The following DKK2 variants were observed in gnomAD, a reference collection of about 807,000 sequenced individuals.
The protein encoded by DKK2 is dickkopf Wnt signaling pathway inhibitor 2, also known as dickkopf-related protein 2.
Under a neutral mutation model 28.1 loss-of-function variants are expected in DKK2, and 11 were observed. That is an observed-to-expected ratio of 0.39 (90% confidence interval 0.25 to 0.65). The LOEUF is 0.65. Ranked by LOEUF, DKK2 falls within the 30% of genes least tolerant of loss-of-function variation. DKK2 has a pLI of 0.47. For synonymous variants in DKK2, 135 were observed against 126.5 expected, an observed-to-expected ratio of 1.07 and a Z score of -0.45; for missense variants, 326 against 335.5, an observed-to-expected ratio of 0.97 and a Z score of 0.22.
At chr4:106,940,607 G>A (rs1724679830) in intron 1 of DKK2, among the ~76,000 whole-genome samples, 1 of 150,506 alleles carries the variant, frequency 6.6e-6, no homozygotes, top group African/African-American at 2.5e-5. Context: ...TCCCATTACT[G>A]GGTATATACC....
chr4:106,959,112 AAC>A (rs1405594384), intron 1 of DKK2, among the ~76,000 whole-genome samples: 1 of 152,168 alleles, frequency 6.6e-6, no homozygotes, highest in Non-Finnish European at 1.5e-5. Context: ...TATTTTGGAA[AAC>A]CAAAAATACA....
At chr4:106,924,477 A>C in intron 3 of DKK2, 68 bp downstream of exon 3, 1 of 1,526,486 alleles carries the variant, frequency 6.6e-7, no homozygotes, top group Non-Finnish European at 8.8e-7. Context: ...AACCAATGGA[A>C]TTAATTATCT....
chr4:106,974,402 C>A (rs1953972225), intron 1 of DKK2, among the ~76,000 whole-genome samples: 1 of 152,030 alleles, frequency 6.6e-6, no homozygotes, highest in African/African-American at 2.4e-5. Context: ...TTGTTTATGT[C>A]CTCTCTTATT....
chr4:107,018,560 C>A (rs899868289), intron 1 of DKK2, among the ~76,000 whole-genome samples: 1 of 152,076 alleles, frequency 6.6e-6, no homozygotes, highest in African/African-American at 2.4e-5. Flanking sequence ...TTTAGTCAGC[C>A]GTTGGCTTTT....
chr4:106,957,912 AAATTAATTAATTAATT>A (rs539263383), intron 1 of DKK2, among the ~76,000 whole-genome samples: 1 of 150,640 alleles, frequency 6.6e-6, no homozygotes, highest in African/African-American at 2.4e-5. Context: ...ATAATAATTA[AAATTAATTAATTAATT>A]AATTAATTAA....
chr4:107,026,962 G>C (rs1450776262), intron 1 of DKK2, among the ~76,000 whole-genome samples: 1 of 152,136 alleles, frequency 6.6e-6, no homozygotes, highest in South Asian at 2.1e-4. Flanking sequence ...GAACTGTTGA[G>C]CGAGCTGGAG....
chr4:106,960,243 A>G (rs1271370618), intron 1 of DKK2, among the ~76,000 whole-genome samples: 1 of 151,816 alleles, frequency 6.6e-6, no homozygotes, highest in East Asian at 1.9e-4. Context: ...ACTCAGCCAT[A>G]AAAAAGAACG....
intron 1 of DKK2, among the ~76,000 whole-genome samples, chr4:106,935,353 C>T (rs538133055): frequency 1.6e-4 from 24 of 152,026 alleles, no homozygotes; most frequent in Middle Eastern, 3.4e-3. Context: ...AAAGGGGTGA[C>T]GGATGGCACC....
Position 107,026,621 on chromosome 4 carries a change from G to A in DKK2, c.222+8749C>T, listed in dbSNP as rs557804069. Among the ~76,000 whole-genome samples the A allele has an allele frequency of 1.3e-3, 202 of 152,252 alleles. 1 individual carries two copies. The highest frequency in any genetic ancestry group is 4.4e-3 in the African/African-American group (182 of 41,556). The stretch of plus-strand genomic sequence containing the variant: ...CCTACATAGCATTCTTTCGGCACCC[G>A]TGAGTGATGAAACAGACCAGAGCAC... On this transcript the variant is annotated intron_variant, in intron 1 of 3. Transcript: ENST00000285311.
At chr4:107,032,448 A>G (rs1056530472) in intron 1 of DKK2, among the ~76,000 whole-genome samples, 1 of 152,110 alleles carries the variant, frequency 6.6e-6, no homozygotes, top group Non-Finnish European at 1.5e-5. Flanking sequence ...ATATGAAATC[A>G]GGCAACTTTC....
At chr4:106,935,631 G>T (rs1379116144) in intron 1 of DKK2, among the ~76,000 whole-genome samples, 1 of 152,230 alleles carries the variant, frequency 6.6e-6, no homozygotes, top group African/African-American at 2.4e-5. Flanking sequence ...AAGGAGGCCT[G>T]CCTGCTTCTG....
intron 1 of DKK2, among the ~76,000 whole-genome samples, chr4:107,004,919 A>G (rs769358481): frequency 2.6e-5 from 4 of 152,200 alleles, no homozygotes; most frequent in Non-Finnish European, 4.4e-5. Flanking sequence ...AGGGAAACCC[A>G]GGAGCTGAGG....
intron 1 of DKK2, among the ~76,000 whole-genome samples, chr4:106,977,780 T>C (rs566951959): frequency 6.6e-6 from 1 of 152,188 alleles, no homozygotes; most frequent in Non-Finnish European, 1.5e-5. Context: ...TGTTCCCTTG[T>C]TGGGAGGAAT....
At chr4:106,991,767 TTTTAATTATCTC>T (rs1251228140) in intron 1 of DKK2, among the ~76,000 whole-genome samples, 1 of 152,076 alleles carries the variant, frequency 6.6e-6, no homozygotes. Flanking sequence ...AAAATACCAC[TTTTAATTATCTC>T]TATTTTTCCA....
At chr4:106,977,177 T>C (rs2110356500) in intron 1 of DKK2, among the ~76,000 whole-genome samples, 1 of 152,312 alleles carries the variant, frequency 6.6e-6, no homozygotes, top group Non-Finnish European at 1.5e-5. Flanking sequence ...TAACATTTTT[T>C]CCTTCATTTC....
At chr4:106,936,358 A>C (rs1386410269) in intron 1 of DKK2, among the ~76,000 whole-genome samples, 1 of 152,200 alleles carries the variant, frequency 6.6e-6, no homozygotes, top group Admixed American at 6.5e-5. Context: ...CTGGAAGAAA[A>C]GGTATCAGCG....
In DKK2 at chr4:107,032,234, T is replaced by G. The variant is rs563405623; in HGVS notation, c.222+3136A>C. The stretch of plus-strand genomic sequence containing the variant: ...CTGAATACTATCACTCTCAATTTCC[T>G]ATGTCAGTTTCCATTATAACTCATA... On this transcript the variant is annotated intron_variant, in intron 1 of 3. Coordinates refer to ENST00000285311, the MANE Select transcript of DKK2 (RefSeq NM_014421.3). Among the ~76,000 whole-genome samples, 3 of 152,184 alleles carry G rather than the reference T, an allele frequency of 2.0e-5. No individual in the cohort carries two copies. The South Asian group carries it at 6.2e-4, about 32-fold the overall frequency.
intron 1 of DKK2, among the ~76,000 whole-genome samples, chr4:106,985,543 T>C (rs997715288): frequency 6.6e-6 from 1 of 151,890 alleles, no homozygotes; most frequent in Non-Finnish European, 1.5e-5. Flanking sequence ...GCATGGTGGC[T>C]CAGGCCTGTA....
In DKK2 at chr4:106,922,514, A is replaced by G. The variant is rs955586981; in HGVS notation, c.*1440T>C. On this transcript the variant is annotated 3_prime_UTR_variant, in exon 4 of 4. Transcript: ENST00000285311. ...TATTTTTTAACCGCAATGGCTGCAG[A>G]AAACCGAAACTAGCCCTTTGGCAAT... is the stretch of plus-strand genomic sequence containing the variant. 4 of 152,242 alleles carry G rather than the reference A, an allele frequency of 2.6e-5. No individual in the cohort carries two copies. The highest frequency in any genetic ancestry group is 5.9e-5 in the Non-Finnish European group (4 of 68,050). 9.4% of individuals were successfully genotyped at this position (152,242 alleles called of 1,614,324 possible).
Sources: allele counts gnomAD v4.1 joint callset (sites outside exome capture counted in the v4.1 genomes callset), GRCh38; gene constraint gnomAD v4.1.1; transcripts MANE v1.5; gene names NCBI Gene and HGNC (gene_info 2026-07-23, HGNC 2026-07-21).